CHD6: variants seen among roughly 807,000 people sequenced by gnomAD.
CHD6 encodes the protein chromodomain helicase DNA binding protein 6.
CHD6 carries 50 observed loss-of-function variants against 276.9 expected under a neutral mutation model. The ratio of observed to expected loss-of-function variants is 0.18; its 90% CI spans 0.14 to 0.23. The LOEUF (loss-of-function observed/expected upper bound fraction) is 0.23, where lower values mean the gene tolerates loss of function less well. Among genes scored for constraint, CHD6 ranks in the 10% least tolerant of loss-of-function variants. The pLI is 1.00. For synonymous variants in CHD6, 1,173 were observed against 1,229.3 expected (o/e 0.95, Z 0.96); for missense variants, 2,564 against 3,365.8 (o/e 0.76, Z 5.89).
chr20:41,560,959 T>C (rs1229053668), intron 1 of CHD6, among the ~76,000 whole-genome samples: 1 of 152,224 alleles, frequency 6.6e-6, no homozygotes, highest in East Asian at 1.9e-4. Flanking sequence ...AACATGGTTA[T>C]TACTGCTATT....
chr20:41,415,088 G>C, intron 34 of CHD6, 98 bp downstream of exon 34: 1 of 1,494,022 alleles, frequency 6.7e-7, no homozygotes, highest in Non-Finnish European at 9.0e-7. Context: ...CCGAAATAGA[G>C]ATAAAAGATC....
intron 14 of CHD6, among the ~76,000 whole-genome samples, chr20:41,486,387 A>T (rs968460802): frequency 2.0e-5 from 3 of 152,226 alleles, no homozygotes; most frequent in Non-Finnish European, 1.5e-5. Context: ...CAATGGGAGA[A>T]GAGGATGCAT....
intron 1 of CHD6, among the ~76,000 whole-genome samples, chr20:41,586,249 T>C (rs1208054818): frequency 1.3e-5 from 2 of 152,318 alleles, no homozygotes; most frequent in East Asian, 1.9e-4. Context: ...CCCTGTCAAC[T>C]ACTGCTGAAC....
chr20:41,509,534 T>C (rs1366992992), intron 5 of CHD6, among the ~76,000 whole-genome samples: 1 of 152,156 alleles, frequency 6.6e-6, no homozygotes, highest in Admixed American at 6.5e-5. Flanking sequence ...GAGCTCAGCC[T>C]GCCAGGTATA....
intron 1 of CHD6, among the ~76,000 whole-genome samples, chr20:41,603,422 A>C (rs2045793287): frequency 6.6e-6 from 1 of 152,256 alleles, no homozygotes; most frequent in South Asian, 2.1e-4. Context: ...TAGTGTTTTT[A>C]TCACTATGAG....
chr20:41,551,491 C>T (rs964607158), intron 1 of CHD6, 131 bp from the exon 2 acceptor site: 1 of 562,114 alleles, frequency 1.8e-6, no homozygotes, highest in African/African-American at 1.9e-5. Flanking sequence ...TTATGTCCAA[C>T]AACCTCCAGA....
At chr20:41,573,226 A>C (rs867567087) in intron 1 of CHD6, among the ~76,000 whole-genome samples, 10 of 152,128 alleles carry the variant, frequency 6.6e-5, no homozygotes, top group African/African-American at 2.4e-4. Context: ...TTCTACTACC[A>C]CCAATCTAGA....
chr20:41,593,204 G>A (rs969803138), intron 1 of CHD6, among the ~76,000 whole-genome samples: 4 of 69,466 alleles, frequency 5.8e-5, no homozygotes, highest in African/African-American at 3.1e-4. Context: ...AATCAAAAAG[G>A]GGGGGGGGGG....
At chr20:41,449,358 A>T (rs1483268958) in intron 23 of CHD6, among the ~76,000 whole-genome samples, 1 of 152,250 alleles carries the variant, frequency 6.6e-6, no homozygotes, top group African/African-American at 2.4e-5. Flanking sequence ...ACTTAGCTCA[A>T]TTAGAGTAGG....
intron 19 of CHD6, 30 bp downstream of exon 19, chr20:41,455,770 C>A: frequency 7.1e-7 from 1 of 1,410,070 alleles, no homozygotes; most frequent in East Asian, 2.5e-5. Flanking sequence ...CTCTCCCACC[C>A]CCAACAGCTC....
At chr20:41,566,839 GGTGTACT>G (rs1241302758) in intron 1 of CHD6, among the ~76,000 whole-genome samples, 3 of 152,134 alleles carry the variant, frequency 2.0e-5, no homozygotes, top group Admixed American at 6.5e-5. Flanking sequence ...CCCAGTGTTA[GGTGTACT>G]GTGCTTGGTC....
At chr20:41,420,398 G>T in intron 31 of CHD6, 110 bp downstream of exon 31, 1 of 1,215,656 alleles carries the variant, frequency 8.2e-7, no homozygotes. Flanking sequence ...GGGTAGGCAG[G>T]TCTGTTTCAG....
At chr20:41,461,917 C>T (rs2048561985) in intron 17 of CHD6, 1 of 152,270 alleles carries the variant, frequency 6.6e-6, no homozygotes. Flanking sequence ...ACCAGGAAGA[C>T]CAGAGCAAAG....
At chr20:41,548,653 T>C (rs909772388) in intron 2 of CHD6, among the ~76,000 whole-genome samples, 11 of 152,082 alleles carry the variant, frequency 7.2e-5, no homozygotes, top group Non-Finnish European at 1.6e-4. Flanking sequence ...TGGGATCTAA[T>C]TAAACTAAAG....
Position 41,483,527 on chromosome 20 carries a change from G to T in CHD6, c.2258-8C>A, listed in dbSNP as rs758874829. ...GAATTTTCTCCTCTGCTCCTGAAAA[G>T]GAATGGAACAAAACTATTCCTCGGA... is the stretch of plus-strand genomic sequence containing the variant. On this transcript the variant is annotated splice_region_variant and splice_polypyrimidine_tract_variant and intron_variant, in intron 15 of 36. Transcript: ENST00000373233. 10 of 1,595,380 alleles carry T rather than the reference G, an allele frequency of 6.3e-6. No individual in the cohort carries two copies. The South Asian group carries it at 1.1e-4, about 18-fold the overall frequency.
chr20:41,598,334 T>C (rs1185176080), intron 1 of CHD6, among the ~76,000 whole-genome samples: 2 of 152,108 alleles, frequency 1.3e-5, no homozygotes, highest in African/African-American at 4.8e-5. Flanking sequence ...ATGCAATGGC[T>C]CCCAAAGTAG....
chr20:41,472,720 T>C (rs2145780287), intron 17 of CHD6, among the ~76,000 whole-genome samples: 1 of 152,324 alleles, frequency 6.6e-6, no homozygotes. Flanking sequence ...ATGTTAGCTT[T>C]CAAAAAATAT....
intron 5 of CHD6, among the ~76,000 whole-genome samples, chr20:41,508,749 T>C (rs1401190681): frequency 6.6e-6 from 1 of 151,808 alleles, no homozygotes; most frequent in Non-Finnish European, 1.5e-5. Flanking sequence ...CAATGTCAAA[T>C]AGCAGCAAGG....
chr20:41,436,448 C>T (rs1159930787), intron 27 of CHD6, among the ~76,000 whole-genome samples: 1 of 152,132 alleles, frequency 6.6e-6, no homozygotes, highest in Non-Finnish European at 1.5e-5. Flanking sequence ...CTCTGGAAAA[C>T]AATTTGGCAA....
Sources: allele counts gnomAD v4.1 joint callset (sites outside exome capture counted in the v4.1 genomes callset), GRCh38; gene constraint gnomAD v4.1.1; transcripts MANE v1.5; gene names NCBI Gene and HGNC (gene_info 2026-07-23, HGNC 2026-07-21).